Variants in RXFP1 observed in about 807,000 individuals in gnomAD.
RXFP1 encodes the protein relaxin receptor 1.
A neutral mutation model predicts 89.8 loss-of-function variants in RXFP1; 73 were observed. That is an observed-to-expected ratio of 0.81 (90% CI 0.67 to 0.99). The LOEUF (loss-of-function observed/expected upper bound fraction) is 0.99, where lower values mean the gene tolerates loss of function less well. RXFP1 is among the 50% of genes least tolerant of loss of function. The pLI is 0.00. For missense variants in RXFP1, 793 were observed against 895.5 expected (o/e 0.89, Z 1.46); for synonymous variants, 277 against 305.5 (o/e 0.91, Z 0.97).
At chr4:158,544,066 G>C (rs1255373561) in intron 1 of RXFP1, 1 of 982,732 alleles carries the variant, frequency 1.0e-6, no homozygotes, top group Non-Finnish European at 1.2e-6. Flanking sequence ...TTCTAGAAAT[G>C]TCTATAAAGA....
chr4:158,628,013 A>G (rs1767245993), intron 10 of RXFP1, among the ~76,000 whole-genome samples: 1 of 152,330 alleles, frequency 6.6e-6, no homozygotes, highest in Non-Finnish European at 1.5e-5. Context: ...GCAGTGAGGA[A>G]ATAAATGGGA....
At chr4:158,597,973 G>A (rs1439830358) in intron 3 of RXFP1, among the ~76,000 whole-genome samples, 1 of 152,136 alleles carries the variant, frequency 6.6e-6, no homozygotes, top group Non-Finnish European at 1.5e-5. Context: ...CTAAATCTAG[G>A]TTATGGTCCT....
intron 9 of RXFP1, among the ~76,000 whole-genome samples, chr4:158,620,886 C>T (rs375944061): frequency 1.3e-5 from 2 of 152,200 alleles, no homozygotes; most frequent in East Asian, 1.9e-4. Flanking sequence ...TTTGGGAGGC[C>T]GAGGCAGGAG....
chr4:158,599,394 C>G lies in RXFP1; in HGVS notation c.355C>G (p.Arg119Gly). 5 of 1,613,610 alleles carry G rather than the reference C, an allele frequency of 3.1e-6. No homozygotes were observed. Among genetic ancestry groups the G allele is most frequent in the Middle Eastern group, 1.7e-4 (1 of 6,054 alleles). ...GCTTGACTGTGATGAAACCAATTTA[C>G]GAGCTGTTCCATCGGTTTCTTCAAA... is the stretch of plus-strand genomic sequence containing the variant. ...LELDCDETNLRAVPSVSSNVT... is the reference protein window; with the variant it reads ...LELDCDETNLGAVPSVSSNVT... The change falls in exon 4 of 18, where the codon CGA becomes GGA. Residue 119 changes from arginine to glycine, a missense_variant. Transcript: ENST00000307765.
chr4:158,581,986 C>A (rs1486565681), intron 2 of RXFP1, among the ~76,000 whole-genome samples: 1 of 152,040 alleles, frequency 6.6e-6, no homozygotes, highest in Non-Finnish European at 1.5e-5. Context: ...AGGGGAGGTA[C>A]CAGGCTCTTT....
chr4:158,643,775 T>C (rs189967018), intron 14 of RXFP1, among the ~76,000 whole-genome samples: 1 of 151,878 alleles, frequency 6.6e-6, no homozygotes, highest in Non-Finnish European at 1.5e-5. Context: ...CCAGCCCACA[T>C]GCTAGTTCTA....
chr4:158,551,554 T>A (rs1472720280), intron 1 of RXFP1, among the ~76,000 whole-genome samples: 2 of 152,276 alleles, frequency 1.3e-5, no homozygotes, highest in Non-Finnish European at 2.9e-5. Flanking sequence ...GTTAATTGGT[T>A]TGATTTAATC....
At position 158,617,275 on chromosome 4, in the gene RXFP1, T is replaced by C. The variant is rs1580103466; in HGVS notation, c.755+70T>C. On this transcript the variant is annotated intron_variant, in intron 9 of 17. Transcript: ENST00000307765. ...GTTTTTACCTAATTCATTCCAGATA[T>C]AAGATTGTTTTAGTTTTTCTTAAAA... 3.0e-5 allele frequency: 34 copies of C among 1,140,774 alleles called. No individual in the cohort carries two copies. The East Asian group carries it at 7.9e-4, about 27-fold the overall frequency. The allele number at this position is 1,140,774 out of a possible 1,614,324, so 70.7% of individuals were successfully genotyped here.
intron 1 of RXFP1, among the ~76,000 whole-genome samples, chr4:158,554,454 A>C: frequency 6.6e-6 from 1 of 152,210 alleles, no homozygotes; most frequent in East Asian, 1.9e-4. Context: ...AAACACAAGC[A>C]TATATGTCTT....
At chr4:158,624,803 C>T (rs1766377364) in intron 9 of RXFP1, among the ~76,000 whole-genome samples, 1 of 151,986 alleles carries the variant, frequency 6.6e-6, no homozygotes, top group African/African-American at 2.4e-5. Flanking sequence ...CATAGAAACA[C>T]ATCATACAAA....
At chr4:158,645,573 G>T (rs1771366570) in intron 15 of RXFP1, among the ~76,000 whole-genome samples, 1 of 152,126 alleles carries the variant, frequency 6.6e-6, no homozygotes, top group African/African-American at 2.4e-5. Flanking sequence ...GCTACTAGAA[G>T]TTTTTTCCAC....
intron 2 of RXFP1, among the ~76,000 whole-genome samples, chr4:158,582,665 A>G (rs541107809): frequency 6.6e-6 from 1 of 152,262 alleles, no homozygotes; most frequent in African/African-American, 2.4e-5. Context: ...TTTCTCCTCT[A>G]CTATTCCTGT....
chr4:158,582,804 G>T (rs1757631041), intron 2 of RXFP1, among the ~76,000 whole-genome samples: 1 of 152,132 alleles, frequency 6.6e-6, no homozygotes, highest in South Asian at 2.1e-4. Context: ...GTTTCCCCTA[G>T]ATTCAGCCCA....
At chr4:158,642,878 G>T (rs1770653517) in intron 14 of RXFP1, among the ~76,000 whole-genome samples, 1 of 152,216 alleles carries the variant, frequency 6.6e-6, no homozygotes, top group Admixed American at 6.5e-5. Flanking sequence ...CCTGCAGAGA[G>T]AGAGGGGCTC....
At chr4:158,542,427 G>A (rs1460314948) in intron 1 of RXFP1, among the ~76,000 whole-genome samples, 1 of 151,988 alleles carries the variant, frequency 6.6e-6, no homozygotes, top group East Asian at 1.9e-4. Context: ...ACCTACAGTA[G>A]GCCTTTTGCA....
At chr4:158,522,480 ACT>A (rs1741426203) in intron 1 of RXFP1, among the ~76,000 whole-genome samples, 1 of 152,064 alleles carries the variant, frequency 6.6e-6, no homozygotes, top group Non-Finnish European at 1.5e-5. Context: ...CATTCATAAA[ACT>A]CTTTTTATTT....
intron 3 of RXFP1, among the ~76,000 whole-genome samples, chr4:158,593,732 T>C (rs1759996924): frequency 6.6e-6 from 1 of 152,210 alleles, no homozygotes. Context: ...ATCTTAAGTG[T>C]AGAAGTAATA....
At chr4:158,526,608 C>T (rs1332553160) in intron 1 of RXFP1, among the ~76,000 whole-genome samples, 1 of 152,152 alleles carries the variant, frequency 6.6e-6, no homozygotes, top group Non-Finnish European at 1.5e-5. Flanking sequence ...TCATGTTGTT[C>T]ATGTTAGAAC....
chr4:158,570,103 G>A (rs1046435303), intron 1 of RXFP1, among the ~76,000 whole-genome samples: 6 of 152,150 alleles, frequency 3.9e-5, no homozygotes, highest in African/African-American at 1.2e-4. Context: ...TGCAAATAAT[G>A]ACTAATTTTT....
Sources: allele counts gnomAD v4.1 joint callset (sites outside exome capture counted in the v4.1 genomes callset), GRCh38; gene constraint gnomAD v4.1.1; transcripts MANE v1.5; gene names NCBI Gene and HGNC (gene_info 2026-07-23, HGNC 2026-07-21).